PALMD: variants seen among roughly 807,000 people sequenced by gnomAD.
The protein encoded by PALMD is palmdelphin, also known as paralemmin-like protein.
A neutral mutation model predicts 56.2 loss-of-function variants in PALMD; 42 were observed. The ratio of observed to expected loss-of-function variants is 0.75; its 90% CI spans 0.58 to 0.97. The LOEUF (loss-of-function observed/expected upper bound fraction) is 0.97. Among genes scored for constraint, PALMD ranks in the 50% least tolerant of loss-of-function variants. The pLI is 0.00. For missense variants in PALMD, 660 were observed against 643.8 expected, an observed-to-expected ratio of 1.03 and a Z score of -0.27; for synonymous variants, 242 against 222.9, an observed-to-expected ratio of 1.09 and a Z score of -0.76.
intron 3 of PALMD, chr1:99,668,418 A>ATGCG (rs1557670032): frequency 6.6e-6 from 1 of 152,056 alleles, no homozygotes; most frequent in East Asian, 1.9e-4. Context: ...AAATACATGC[A>ATGCG]CTAAACTACC....
At position 99,658,715 on chromosome 1, in the gene PALMD, G is replaced by T. The variant is rs555300558; in HGVS notation, c.46-3604G>T. Reference sequence around the variant, plus strand: ...GAATCTGGGAGGCGGAGCTTGCAGTGAGCTGAGATCCCACCATTGCACTCC... The same window carrying T: ...GAATCTGGGAGGCGGAGCTTGCAGTTAGCTGAGATCCCACCATTGCACTCC... On this transcript the variant is annotated intron_variant, in intron 1 of 7. Transcript: ENST00000263174. Among the ~76,000 whole-genome samples the T allele has an allele frequency of 1.2e-3, 186 of 152,066 alleles. 1 individual carries two copies. Among genetic ancestry groups the T allele is most frequent in the Non-Finnish European group, 2.0e-3 (139 of 67,978 alleles).
intron 1 of PALMD, among the ~76,000 whole-genome samples, chr1:99,658,687 C>T (rs976349144): frequency 2.0e-5 from 3 of 151,712 alleles, no homozygotes; most frequent in Admixed American, 6.6e-5. Flanking sequence ...AGGAGAATGG[C>T]GTGAATCTGG....
intron 1 of PALMD, among the ~76,000 whole-genome samples, chr1:99,646,666 C>T (rs1451834083): frequency 1.3e-5 from 2 of 152,292 alleles, no homozygotes; most frequent in East Asian, 1.9e-4. Context: ...CTTAGAAATG[C>T]AGTTTTTCCT....
chr1:99,648,592 A>T (rs564372634), intron 1 of PALMD, among the ~76,000 whole-genome samples: 1 of 152,266 alleles, frequency 6.6e-6, no homozygotes, highest in South Asian at 2.1e-4. Context: ...TGTATACTTC[A>T]AGAATGAAAT....
intron 2 of PALMD, among the ~76,000 whole-genome samples, chr1:99,665,461 T>C (rs145970000): frequency 6.6e-6 from 1 of 152,288 alleles, no homozygotes; most frequent in East Asian, 1.9e-4. Flanking sequence ...ATATTTTATA[T>C]TTAAGTTCAA....
chr1:99,687,293 T>C, intron 6 of PALMD, 104 bp downstream of exon 6: 1 of 1,281,384 alleles, frequency 7.8e-7, no homozygotes, highest in Non-Finnish European at 1.1e-6. Flanking sequence ...GGTTAAGCAA[T>C]GGTTCACTTT....
Position 99,687,093 on chromosome 1 carries a change from T to G in PALMD, c.418T>G (p.Tyr140Asp). 3 of 1,596,220 alleles carry G rather than the reference T, an allele frequency of 1.9e-6. No homozygotes were observed. Among genetic ancestry groups the G allele is most frequent in the Non-Finnish European group, 1.7e-6 (2 of 1,165,852 alleles). ...ERAEESIEDI[Y>D]ANIPDLPKSY... ...TTTTACAGAGTCAATTGAGGACATC[T>G]ATGCTAATATCCCTGACCTTCCAAA... Residue 140 changes from tyrosine to aspartate, a missense_variant, in exon 6 of 8, where the codon TAT becomes GAT. By Grantham distance (160) the Tyr-to-Asp change is radical. Transcript: ENST00000263174.
intron 2 of PALMD, among the ~76,000 whole-genome samples, chr1:99,667,025 GAAGA>G (rs1260396789): frequency 3.3e-5 from 5 of 152,196 alleles, no homozygotes; most frequent in African/African-American, 4.8e-5. Context: ...GAGATTCTGA[GAAGA>G]AAGAAGGGGA....
chr1:99,682,824 G>A (rs12072475), intron 3 of PALMD, among the ~76,000 whole-genome samples: 9,773 of 151,508 alleles, frequency 0.065, 587 homozygotes, highest in African/African-American at 0.17. Flanking sequence ...TGGTCAACAT[G>A]GTGAAAGCCC....
chr1:99,687,292 ATGGTTC>A (rs1483174342), intron 6 of PALMD, 103 bp downstream of exon 6: 2 of 1,292,546 alleles, frequency 1.5e-6, no homozygotes, highest in African/African-American at 3.0e-5. Flanking sequence ...AGGTTAAGCA[ATGGTTC>A]ACTTTACAAA....
In PALMD at chr1:99,689,607, T is replaced by TGAG; in HGVS notation, c.1359_1361dup (p.Glu453dup). On this transcript the variant is annotated inframe_insertion, in exon 7 of 8. Transcript: ENST00000263174. ...ATGCTGAGCTGGTTGTGATTGATGA[T>TGAG]GAGGAGGAGGAGGATGAAGGAGAAG... 1 of 1,613,602 alleles carries TGAG rather than the reference T, an allele frequency of 6.2e-7. No individual in the cohort carries two copies. Among genetic ancestry groups the TGAG allele is most frequent in the Non-Finnish European group, 8.5e-7 (1 of 1,179,710 alleles).
chr1:99,671,150 C>A (rs1295478094), intron 3 of PALMD, among the ~76,000 whole-genome samples: 1 of 152,190 alleles, frequency 6.6e-6, no homozygotes, highest in African/African-American at 2.4e-5. Context: ...TCGAGGGTGA[C>A]ATTTGCCACT....
chr1:99,683,162 GAAAGAAAC>G (rs1557674143), intron 3 of PALMD: 4 of 132,738 alleles, frequency 3.0e-5, no homozygotes, highest in Non-Finnish European at 3.2e-5. Flanking sequence ...AAGAAAGAAA[GAAAGAAAC>G]GAACACCCTA....
At chr1:99,687,918 G>A (rs1389464501) in intron 6 of PALMD, among the ~76,000 whole-genome samples, 2 of 151,920 alleles carry the variant, frequency 1.3e-5, no homozygotes, top group Non-Finnish European at 2.9e-5. Context: ...CTATAGAGGA[G>A]GTAAGAAATA....
chr1:99,688,959 C>T lies in PALMD; in HGVS notation c.699C>T (p.Gly233=). The T allele has an allele frequency of 4.3e-6, 7 of 1,613,406 alleles. No individual in the cohort carries two copies. The highest frequency in any genetic ancestry group is 3.3e-5 in the Admixed American group (2 of 59,982). Reference sequence around the variant, plus strand: ...GTGCAGCATACAATGGCACCGATGGCCTGGCACCAGTTGAAGTAGAGGAAC... The same window carrying T: ...GTGCAGCATACAATGGCACCGATGGTCTGGCACCAGTTGAAGTAGAGGAAC... ...NHSAAYNGTD[G]LAPVEVEELL... is the part of the protein sequence containing the mutation. The change falls in exon 7 of 8, where the codon GGC becomes GGT. Residue 233 remains glycine, a synonymous_variant. Transcript: ENST00000263174.
At chr1:99,647,179 C>G (rs1180077203) in intron 1 of PALMD, among the ~76,000 whole-genome samples, 1 of 152,174 alleles carries the variant, frequency 6.6e-6, no homozygotes, top group Non-Finnish European at 1.5e-5. Context: ...AATCATTTAT[C>G]CCTAGCTATA....
intron 3 of PALMD, chr1:99,669,505 T>A (rs901038703): frequency 6.6e-6 from 1 of 151,912 alleles, no homozygotes; most frequent in Admixed American, 6.6e-5. Flanking sequence ...TCTGAAGGAG[T>A]CCTGAATTTA....
intron 3 of PALMD, among the ~76,000 whole-genome samples, chr1:99,682,741 C>T (rs940986551): frequency 6.6e-6 from 1 of 151,930 alleles, no homozygotes; most frequent in Non-Finnish European, 1.5e-5. Context: ...TCATCGGGCT[C>T]ATGCCTGTAA....
chr1:99,689,875 A>G lies in PALMD; in HGVS notation c.1612+3A>G, dbSNP rs369921567. On this transcript the variant is annotated splice_donor_region_variant and intron_variant, in intron 7 of 7. Transcript: ENST00000263174. Reference sequence around the variant, plus strand: ...GACTGAGGATCCATCCTTAACAGGTAATAAAAATGACAAGGCATGCCACTG... The same window carrying G: ...GACTGAGGATCCATCCTTAACAGGTGATAAAAATGACAAGGCATGCCACTG... 73 of 1,588,250 alleles carry G rather than the reference A, an allele frequency of 4.6e-5. No homozygotes were observed. The highest frequency in any genetic ancestry group is 1.7e-4 in the Middle Eastern group (1 of 5,958).
Sources: gnomAD v4.1 joint callset for allele counts (sites outside exome capture counted in the v4.1 genomes callset) on GRCh38, gnomAD v4.1.1 for gene constraint, MANE v1.5 for transcripts, NCBI Gene and HGNC (gene_info 2026-07-23, HGNC 2026-07-21) for gene names.